The following BICC1 variants were observed in gnomAD, a reference collection of about 807,000 sequenced individuals.
BICC1 encodes the protein BicC family RNA binding protein 1, also known as protein bicaudal C homolog 1.
A neutral mutation model predicts 111.0 loss-of-function variants in BICC1; 43 were observed. The ratio of observed to expected loss-of-function variants is 0.39; its 90% confidence interval spans 0.30 to 0.50. The LOEUF (loss-of-function observed/expected upper bound fraction) is 0.50, where lower values mean the gene tolerates loss of function less well. BICC1 is among the 20% of genes least tolerant of loss of function. The pLI, the probability that BICC1 is intolerant of heterozygous loss-of-function variation, is 0.88. For synonymous variants in BICC1, 467 were observed against 434.4 expected, an observed-to-expected ratio of 1.07 and a Z score of -0.93; for missense variants, 1,091 against 1,203.2, an observed-to-expected ratio of 0.91 and a Z score of 1.38.
At chr10:58,750,257 G>C (rs1238540946) in intron 3 of BICC1, among the ~76,000 whole-genome samples, 1 of 152,150 alleles carries the variant, frequency 6.6e-6, no homozygotes. Flanking sequence ...GTGGACCCAT[G>C]ATGGCCAGTT....
intron 2 of BICC1, among the ~76,000 whole-genome samples, chr10:58,687,638 T>TGAGGCTCCGTGGGC (rs1187094731): frequency 6.6e-6 from 1 of 152,090 alleles, no homozygotes; most frequent in South Asian, 2.1e-4. Flanking sequence ...TGGCAGTGAG[T>TGAGGCTCCGTGGGC]GAGGCTCCGT....
intron 2 of BICC1, among the ~76,000 whole-genome samples, chr10:58,684,535 TA>T (rs1839648366): frequency 6.6e-6 from 1 of 152,224 alleles, no homozygotes; most frequent in African/African-American, 2.4e-5. Flanking sequence ...GGCTATTAAT[TA>T]TTGCCTCAAT....
At chr10:58,692,962 T>A (rs963804740) in intron 2 of BICC1, among the ~76,000 whole-genome samples, 23 of 152,204 alleles carry the variant, frequency 1.5e-4, no homozygotes, top group Admixed American at 1.2e-3. Flanking sequence ...CTGCACCCAT[T>A]AGCTCGTCAT....
rs75076301 is a variant in BICC1 at position 58,673,546 on chromosome 10, C to T, written c.238-28528C>T. On this transcript the variant is annotated intron_variant, in intron 2 of 20. Transcript: ENST00000373886. ...CAAAATCCAGCTAGTTATAAAATGC[C>T]GTGGAGCACAAGCTTTTATGATTCT... Among the ~76,000 whole-genome samples the T allele has an allele frequency of 9.8e-3, 1,489 of 152,276 alleles. 21 individuals are homozygous for T. The highest frequency in any genetic ancestry group is 0.034 in the African/African-American group (1,428 of 41,554).
At chr10:58,614,848 G>A (rs1327627079) in intron 1 of BICC1, among the ~76,000 whole-genome samples, 1 of 152,174 alleles carries the variant, frequency 6.6e-6, no homozygotes, top group Admixed American at 6.5e-5. Flanking sequence ...GGAATTTCCT[G>A]TGGTAAAAAG....
chr10:58,692,610 T>A (rs1175762809), intron 2 of BICC1, among the ~76,000 whole-genome samples: 2 of 152,218 alleles, frequency 1.3e-5, no homozygotes, highest in East Asian at 3.8e-4. Flanking sequence ...TAACACGTAT[T>A]ATTTCTTTGT....
chr10:58,549,459 G>A (rs1303313805), intron 1 of BICC1, among the ~76,000 whole-genome samples: 1 of 152,028 alleles, frequency 6.6e-6, no homozygotes, highest in Admixed American at 6.6e-5. Context: ...GTCAACGTTT[G>A]GTATTGTCAG....
At chr10:58,796,317 T>A (rs757479908) in intron 9 of BICC1, 23 bp from the exon 10 acceptor site, 1 of 1,605,948 alleles carries the variant, frequency 6.2e-7, no homozygotes, top group South Asian at 1.1e-5. Flanking sequence ...TCACCTTTTT[T>A]CCCCCATTAT....
At chr10:58,716,197 GA>G (rs2132503678) in intron 3 of BICC1, 2 of 1,502,188 alleles carry the variant, frequency 1.3e-6, no homozygotes, top group East Asian at 2.5e-5. Flanking sequence ...TGAAGAACGA[GA>G]AAAAGCAACA....
intron 1 of BICC1, among the ~76,000 whole-genome samples, chr10:58,539,158 T>C (rs1842897525): frequency 6.6e-6 from 1 of 151,316 alleles, no homozygotes; most frequent in Non-Finnish European, 1.5e-5. Context: ...AACCAAAGAG[T>C]AGATAAAGAA....
chr10:58,707,083 G>A (rs1024996932), intron 3 of BICC1, among the ~76,000 whole-genome samples: 2 of 152,168 alleles, frequency 1.3e-5, no homozygotes, highest in African/African-American at 2.4e-5. Context: ...ATGTTTCCTG[G>A]TTTGGAGACA....
At chr10:58,828,642 A>G (rs1435125183) in intron 20 of BICC1, 119 bp from the exon 21 acceptor site, 2 of 1,039,312 alleles carry the variant, frequency 1.9e-6, no homozygotes, top group South Asian at 1.7e-5. Flanking sequence ...TTTTGATACC[A>G]GACTTGACTT....
At chr10:58,659,677 A>G (rs1838777614) in intron 2 of BICC1, among the ~76,000 whole-genome samples, 1 of 152,142 alleles carries the variant, frequency 6.6e-6, no homozygotes, top group African/African-American at 2.4e-5. Flanking sequence ...GTTTACCTGT[A>G]TAACAAACCT....
intron 2 of BICC1, among the ~76,000 whole-genome samples, chr10:58,638,470 T>C (rs1318024617): frequency 6.6e-6 from 1 of 152,210 alleles, no homozygotes; most frequent in Non-Finnish European, 1.5e-5. Flanking sequence ...TTGCCTTCTT[T>C]GCTTTCTCCC....
intron 3 of BICC1, among the ~76,000 whole-genome samples, chr10:58,715,203 A>G (rs1263707924): frequency 2.6e-5 from 4 of 152,194 alleles, no homozygotes; most frequent in Non-Finnish European, 4.4e-5. Flanking sequence ...TGGTACTGAC[A>G]TTTTTATCAA....
intron 1 of BICC1, among the ~76,000 whole-genome samples, chr10:58,567,950 T>G (rs1352713487): frequency 1.3e-5 from 2 of 152,048 alleles, no homozygotes; most frequent in Non-Finnish European, 2.9e-5. Flanking sequence ...CTGGGAGGTT[T>G]ATGTGATCAA....
intron 10 of BICC1, among the ~76,000 whole-genome samples, chr10:58,796,997 A>G (rs1843377653): frequency 6.6e-6 from 1 of 152,204 alleles, no homozygotes; most frequent in Non-Finnish European, 1.5e-5. Flanking sequence ...CCTTGCCTAG[A>G]TACAAAGGAA....
intron 20 of BICC1, 131 bp from the exon 21 acceptor site, chr10:58,828,630 C>A (rs1844466296): frequency 2.3e-6 from 2 of 876,092 alleles, no homozygotes; most frequent in Non-Finnish European, 3.4e-6. Context: ...TAAAAGTTTT[C>A]CTTTTGATAC....
intron 3 of BICC1, among the ~76,000 whole-genome samples, chr10:58,762,563 C>T (rs1842346165): frequency 6.6e-6 from 1 of 152,008 alleles, no homozygotes; most frequent in Non-Finnish European, 1.5e-5. Flanking sequence ...TATTAAGTGG[C>T]CAGCATTCAT....
Sources: allele counts gnomAD v4.1 joint callset (sites outside exome capture counted in the v4.1 genomes callset), GRCh38; gene constraint gnomAD v4.1.1; transcripts MANE v1.5; gene names NCBI Gene and HGNC (gene_info 2026-07-23, HGNC 2026-07-21).